The following KIAA0930 variants were observed in gnomAD, a reference collection of about 807,000 sequenced individuals.
KIAA0930 encodes the protein KIAA0930.
Under a neutral mutation model 43.9 loss-of-function variants are expected in KIAA0930, and 24 were observed. That is an observed-to-expected ratio of 0.55 (90% CI 0.40 to 0.77). KIAA0930 has a LOEUF of 0.77. Among genes scored for constraint, KIAA0930 ranks in the 30% least tolerant of loss-of-function variants. The pLI is 0.00. For synonymous variants in KIAA0930, 259 were observed against 216.4 expected, an observed-to-expected ratio of 1.20 and a Z score of -1.73; for missense variants, 461 against 574.2, an observed-to-expected ratio of 0.80 and a Z score of 2.02.
At chr22:45,231,425 C>T (rs1601827091) in intron 1 of KIAA0930, among the ~76,000 whole-genome samples, 1 of 147,134 alleles carries the variant, frequency 6.8e-6, no homozygotes, top group Admixed American at 6.7e-5. Flanking sequence ...GCAGTGGGGC[C>T]TGAAGATCCG....
chr22:45,211,379 T>C (rs2083691715), intron 2 of KIAA0930: 2 of 398,800 alleles, frequency 5.0e-6, no homozygotes, highest in Admixed American at 4.4e-5. Context: ...TGCGATTTAG[T>C]GGATGAAATA....
chr22:45,204,262 C>T (rs571857855), intron 5 of KIAA0930, among the ~76,000 whole-genome samples: 5 of 152,272 alleles, frequency 3.3e-5, no homozygotes, highest in East Asian at 3.9e-4. Flanking sequence ...TCACCAGGAC[C>T]GTCAGCCACC....
chr22:45,216,056 G>T (rs931531572), intron 1 of KIAA0930, among the ~76,000 whole-genome samples: 4 of 152,212 alleles, frequency 2.6e-5, no homozygotes, highest in South Asian at 2.1e-4. Context: ...AGGGAGCAGG[G>T]AGAGTGGAGA....
chr22:45,198,849 C>T (rs2083560677), intron 8 of KIAA0930, among the ~76,000 whole-genome samples: 1 of 152,180 alleles, frequency 6.6e-6, no homozygotes, highest in Non-Finnish European at 1.5e-5. Flanking sequence ...CAGGGTTTCA[C>T]CATGTTGGCC....
At chr22:45,213,687 C>T (rs774965325) in intron 1 of KIAA0930, among the ~76,000 whole-genome samples, 2 of 152,222 alleles carry the variant, frequency 1.3e-5, no homozygotes, top group East Asian at 1.9e-4. Context: ...TAGAGCCCAA[C>T]GGAATAACAG....
Position 45,211,966 on chromosome 22 carries a change from T to G in KIAA0930, c.206A>C (p.Asp69Ala). The G allele has an allele frequency of 6.2e-7, 1 of 1,611,606 alleles. No individual in the cohort carries two copies. Among genetic ancestry groups the G allele is most frequent in the Non-Finnish European group, 8.5e-7 (1 of 1,179,984 alleles). ...CCGGGGGTCACTCACCTTCCTCCCG[T>G]CTGCACCGCTTTCGCTGCCGGAGTA... is the stretch of plus-strand genomic sequence containing the variant. ...LAYSGSESGA[D>A]GRKAAEPEVE... The change falls in exon 2 of 10, where the codon GAC (aspartate) becomes GCC (alanine). Residue 69 changes from aspartate (D) to alanine (A), a missense_variant. Transcript: ENST00000336156.
intron 5 of KIAA0930, among the ~76,000 whole-genome samples, 156 bp downstream of exon 5, chr22:45,205,061 A>G (rs2083623866): frequency 6.6e-6 from 1 of 152,096 alleles, no homozygotes; most frequent in East Asian, 1.9e-4. Flanking sequence ...ACAAGCAAAC[A>G]CTGGGAAGAG....
intron 2 of KIAA0930, among the ~76,000 whole-genome samples, chr22:45,207,975 G>A (rs1199408963): frequency 6.6e-6 from 1 of 152,174 alleles, no homozygotes; most frequent in Non-Finnish European, 1.5e-5. Context: ...TCAGCAAAGC[G>A]CTGTGGACTC....
intron 1 of KIAA0930, among the ~76,000 whole-genome samples, chr22:45,217,480 T>C (rs1378669782): frequency 6.6e-6 from 1 of 152,040 alleles, no homozygotes; most frequent in Non-Finnish European, 1.5e-5. Flanking sequence ...ACACATGTAT[T>C]TTCTCCATAA....
chr22:45,229,247 CCAACCACCA>C (rs2147763632), intron 1 of KIAA0930, among the ~76,000 whole-genome samples: 1 of 57,868 alleles, frequency 1.7e-5, no homozygotes. Context: ...TCTCCACCCC[CCAACCACCA>C]CTCACTTGAG....
At position 45,197,808 on chromosome 22, in the gene KIAA0930, G is replaced by A; in HGVS notation, c.1156C>T (p.Leu386=). ...GCATTACCTGTTAAAATCCGATGCA[G>A]CGGCAACGTGACGTAGGTTAAGTGT... ...YAHLTYVTLP[L]HRILTDILEV... The change falls in exon 9 of 10, where the codon CTG becomes TTG. Residue 386 remains leucine, a synonymous_variant. Coordinates refer to ENST00000336156, the MANE Select transcript of KIAA0930 (RefSeq NM_001009880.2). 4.3e-6 allele frequency: 7 copies of A among 1,614,206 alleles called. No homozygotes were observed. The highest frequency in any genetic ancestry group is 5.9e-6 in the Non-Finnish European group (7 of 1,180,036).
At chr22:45,211,398 G>A (rs906157775) in intron 2 of KIAA0930, 28 of 398,978 alleles carry the variant, frequency 7.0e-5, no homozygotes, top group Middle Eastern at 6.2e-4. Context: ...TACGTTAGGC[G>A]AATCACTTCA....
intron 4 of KIAA0930, 62 bp downstream of exon 4, chr22:45,205,568 C>G: frequency 6.6e-7 from 1 of 1,517,032 alleles, no homozygotes; most frequent in Non-Finnish European, 9.1e-7. Flanking sequence ...ACTTGTCTCT[C>G]TCTGCCACGC....
chr22:45,226,477 A>G (rs1159722289), intron 1 of KIAA0930: 2 of 369,958 alleles, frequency 5.4e-6, no homozygotes, highest in Admixed American at 3.5e-5. Context: ...AGCATCCTTT[A>G]TCCTCCTCTA....
intron 1 of KIAA0930, among the ~76,000 whole-genome samples, chr22:45,227,116 CTT>C (rs1051736709): frequency 1.2e-4 from 19 of 152,378 alleles, no homozygotes; most frequent in African/African-American, 4.6e-4. Context: ...GCCACCCACC[CTT>C]GTGCCCAGCA....
At chr22:45,214,972 C>T (rs986518180) in intron 1 of KIAA0930, among the ~76,000 whole-genome samples, 2 of 151,860 alleles carry the variant, frequency 1.3e-5, no homozygotes, top group Non-Finnish European at 2.9e-5. Flanking sequence ...AATTCCAGCA[C>T]TTTAGGAGGC....
rs571025832 is a variant in KIAA0930, at chr22:45,227,833, C to T, written c.64+12807G>A. 1.9e-4 allele frequency among the ~76,000 whole-genome samples: 29 copies of T among 152,294 alleles called. 1 individual carries two copies. In the South Asian group the frequency reaches 3.7e-3, roughly 20 times the overall value. On this transcript the variant is annotated intron_variant, in intron 1 of 9. Transcript: ENST00000336156. ...CTGTACCCTAAAGCAGAAGCAGCTC[C>T]GGCTGGGGCGGATCCATCGGGGTTT...
chr22:45,210,186 G>A lies in KIAA0930; in HGVS notation c.216+1770C>T, dbSNP rs372458772. Among the ~76,000 whole-genome samples, 23 of 152,306 alleles carry A rather than the reference G, an allele frequency of 1.5e-4. No homozygotes were observed. The East Asian group carries it at 3.7e-3, about 24-fold the overall frequency. On this transcript the variant is annotated intron_variant, in intron 2 of 9. Transcript: ENST00000336156. ...CTGGCTTGCAACAGACTCTGCCTTGGGGAAAAGACCAACATTTGGGGGTGG... is the reference window on the plus strand; with the variant it reads ...CTGGCTTGCAACAGACTCTGCCTTGAGGAAAAGACCAACATTTGGGGGTGG...
Position 45,199,940 on chromosome 22 carries a change from G to A in KIAA0930, c.948C>T (p.Ile316=), listed in dbSNP as rs138248941. The A allele has an allele frequency of 5.9e-5, 95 of 1,609,512 alleles. No individual in the cohort carries two copies. The highest frequency in any genetic ancestry group is 2.9e-4 in the East Asian group (13 of 44,456). ...SLKRKVPRNR[I]AEMKKSHSAN... Reference sequence around the variant, plus strand: ...CCGAGTGCGACTTCTTCATCTCAGCGATCCGGTTCCGGGGCACCTTCCTCT... The same window carrying A: ...CCGAGTGCGACTTCTTCATCTCAGCAATCCGGTTCCGGGGCACCTTCCTCT... The change falls in exon 8 of 10, where the codon ATC becomes ATT. Residue 316 remains isoleucine (I), a synonymous_variant. Transcript: ENST00000336156.
Sources: gnomAD v4.1 joint callset for allele counts (sites outside exome capture counted in the v4.1 genomes callset) on GRCh38, gnomAD v4.1.1 for gene constraint, MANE v1.5 for transcripts, NCBI Gene and HGNC (gene_info 2026-07-23, HGNC 2026-07-21) for gene names.